TRAPPC9: variants seen among roughly 807,000 people sequenced by gnomAD.
The protein encoded by TRAPPC9 is trafficking protein particle complex subunit 9, also known as IKK2 binding protein.
In TRAPPC9, 83 loss-of-function variants were observed where a neutral mutation model predicts 124.0. The observed-to-expected ratio is 0.67, with a 90% CI of 0.56 to 0.80. TRAPPC9 has a LOEUF of 0.80. Ranked by LOEUF, TRAPPC9 falls within the 30% of genes least tolerant of loss-of-function variation. The pLI is 0.00. For synonymous variants in TRAPPC9, 638 were observed against 617.5 expected, an observed-to-expected ratio of 1.03 and a Z score of -0.49; for missense variants, 1,302 against 1,508.3, an observed-to-expected ratio of 0.86 and a Z score of 2.27.
chr8:139,909,697 T>G (rs1831584448), intron 20 of TRAPPC9, among the ~76,000 whole-genome samples: 1 of 152,242 alleles, frequency 6.6e-6, no homozygotes, highest in Non-Finnish European at 1.5e-5. Context: ...TATAGCACAA[T>G]CCTTCTGAAA....
rs997204030 is a variant in TRAPPC9 at position 140,429,441 on chromosome 8, T to C, written c.860-2800A>G. On this transcript the variant is annotated intron_variant, in intron 4 of 22. Transcript: ENST00000438773. The stretch of plus-strand genomic sequence containing the variant: ...CCACTTACTAGCTCCATAACCTTGG[T>C]CAAGTTCCTCAACCTGTCTATGCCT... 4.5e-4 allele frequency among the ~76,000 whole-genome samples: 55 copies of C among 122,676 alleles called. No individual in the cohort carries two copies. In the Middle Eastern group the frequency reaches 0.019, roughly 42 times the overall value. The allele number at this position is 122,676 out of a possible 152,430, so 80.5% of individuals were successfully genotyped here. A position where few individuals can be genotyped will look rare whatever the true frequency, so the allele number is the denominator to read the frequency against.
intron 16 of TRAPPC9, among the ~76,000 whole-genome samples, chr8:140,236,759 C>G (rs2063740328): frequency 6.6e-6 from 1 of 152,150 alleles, no homozygotes; most frequent in Non-Finnish European, 1.5e-5. Flanking sequence ...AAGAGACATA[C>G]AATATTCATA....
chr8:139,959,480 G>T (rs1459108641), intron 19 of TRAPPC9, among the ~76,000 whole-genome samples: 1 of 152,176 alleles, frequency 6.6e-6, no homozygotes, highest in Admixed American at 6.5e-5. Context: ...CCCACAGCTG[G>T]TGAGAGGTGA....
At chr8:140,447,744 G>A (rs988262799) in intron 2 of TRAPPC9, among the ~76,000 whole-genome samples, 2 of 152,110 alleles carry the variant, frequency 1.3e-5, no homozygotes, top group Non-Finnish European at 2.9e-5. Flanking sequence ...GACATTTCCT[G>A]TTGAGCTACA....
chr8:140,397,473 C>T (rs1236945019), intron 7 of TRAPPC9, 147 bp downstream of exon 7: 3 of 896,616 alleles, frequency 3.3e-6, no homozygotes, highest in Middle Eastern at 3.3e-4. Context: ...ATACAAATAA[C>T]CATGTTAATT....
intron 3 of TRAPPC9, among the ~76,000 whole-genome samples, chr8:140,436,072 G>A (rs2070802473): frequency 6.6e-6 from 1 of 152,194 alleles, no homozygotes; most frequent in Non-Finnish European, 1.5e-5. Flanking sequence ...TAGGCCAGAC[G>A]CAGTGGCTCA....
chr8:140,128,525 A>G lies in TRAPPC9; in HGVS notation c.2556+92934T>C, dbSNP rs566985093. On this transcript the variant is annotated intron_variant, in intron 17 of 22. Transcript: ENST00000438773. ...TAAACTGTGTCCAATTTTTCCAAAA[A>G]AGTCTGGGTGAGGCAAATTCATTCT... 5.9e-5 allele frequency among the ~76,000 whole-genome samples: 9 copies of G among 152,376 alleles called. No homozygotes were observed. The South Asian group carries it at 1.9e-3, about 32-fold the overall frequency.
intron 17 of TRAPPC9, among the ~76,000 whole-genome samples, chr8:140,167,356 T>G (rs1225599736): frequency 6.6e-6 from 1 of 152,098 alleles, no homozygotes; most frequent in African/African-American, 2.4e-5. Context: ...GTTTAAGGAC[T>G]GAGATAGGAA....
chr8:140,390,468 G>C (rs917611741), intron 7 of TRAPPC9, among the ~76,000 whole-genome samples: 1 of 152,170 alleles, frequency 6.6e-6, no homozygotes, highest in Non-Finnish European at 1.5e-5. Flanking sequence ...CCCACAGCAC[G>C]GATATGGGGC....
At chr8:140,114,757 C>T (rs1412921574) in intron 17 of TRAPPC9, among the ~76,000 whole-genome samples, 1 of 152,052 alleles carries the variant, frequency 6.6e-6, no homozygotes. Context: ...CGCAAAGCCT[C>T]CTCGGAAACA....
chr8:140,098,683 T>C (rs1288537681), intron 17 of TRAPPC9: 1 of 145,300 alleles, frequency 6.9e-6, no homozygotes, highest in African/African-American at 2.6e-5. Context: ...TAACGACGCC[T>C]CCTCCCTCCT....
chr8:139,749,007 A>G (rs1183113837), intron 21 of TRAPPC9, among the ~76,000 whole-genome samples: 1 of 152,100 alleles, frequency 6.6e-6, no homozygotes, highest in East Asian at 1.9e-4. Flanking sequence ...TTCCAGAGAG[A>G]AGACATAAAG....
intron 17 of TRAPPC9, among the ~76,000 whole-genome samples, chr8:140,206,267 TATC>T (rs768130453): frequency 2.0e-5 from 3 of 152,214 alleles, no homozygotes; most frequent in Non-Finnish European, 4.4e-5. Context: ...ATAAAACAAT[TATC>T]TTTTATGTTA....
chr8:140,290,382 G>C (rs139953422), intron 12 of TRAPPC9, among the ~76,000 whole-genome samples: 2 of 152,298 alleles, frequency 1.3e-5, no homozygotes, highest in African/African-American at 2.4e-5. Context: ...CGGCATGGGA[G>C]GGCCCGCTCT....
chr8:140,046,392 G>A (rs1841596958), intron 17 of TRAPPC9, among the ~76,000 whole-genome samples: 1 of 152,280 alleles, frequency 6.6e-6, no homozygotes, highest in Non-Finnish European at 1.5e-5. Context: ...GGATGGACAG[G>A]GCGGGCAGGC....
intron 9 of TRAPPC9, among the ~76,000 whole-genome samples, chr8:140,316,109 T>A (rs993739053): frequency 1.7e-4 from 26 of 152,114 alleles, no homozygotes; most frequent in Admixed American, 5.2e-4. Context: ...TGCTGTTGAA[T>A]ACAAGTTTCT....
intron 21 of TRAPPC9, among the ~76,000 whole-genome samples, chr8:139,859,942 T>G (rs1189286670): frequency 6.6e-6 from 1 of 152,222 alleles, no homozygotes; most frequent in Non-Finnish European, 1.5e-5. Context: ...ATGGACCCTA[T>G]TCCCAGAAAA....
At chr8:140,355,587 C>A (rs556501217) in intron 9 of TRAPPC9, among the ~76,000 whole-genome samples, 1 of 152,272 alleles carries the variant, frequency 6.6e-6, no homozygotes, top group South Asian at 2.1e-4. Flanking sequence ...AAAAAAGAAA[C>A]TATCCTCAGG....
intron 5 of TRAPPC9, among the ~76,000 whole-genome samples, chr8:140,413,669 C>A (rs1398460430): frequency 9.2e-6 from 1 of 108,402 alleles, no homozygotes; most frequent in South Asian, 3.7e-4. Context: ...CCTCCCCCCA[C>A]CCCACAACAG....
Sources: gnomAD v4.1 joint callset for allele counts (sites outside exome capture counted in the v4.1 genomes callset) on GRCh38, gnomAD v4.1.1 for gene constraint, MANE v1.5 for transcripts, NCBI Gene and HGNC (gene_info 2026-07-23, HGNC 2026-07-21) for gene names.